HOMER2: variants seen among roughly 807,000 people sequenced by gnomAD.
HOMER2 encodes the protein homer scaffold protein 2, also known as homer protein homolog 2.
In HOMER2, 27 loss-of-function variants were observed where a neutral mutation model predicts 47.0. That is an observed-to-expected ratio of 0.57 (90% confidence interval 0.42 to 0.79). HOMER2 has a LOEUF of 0.79. Ranked by LOEUF, HOMER2 falls within the 30% of genes least tolerant of loss-of-function variation. The pLI is 0.00. For missense variants in HOMER2, 443 were observed against 435.0 expected (o/e 1.02, Z -0.16); for synonymous variants, 161 against 163.8 (o/e 0.98, Z 0.13).
At chr15:82,844,607 T>C (rs868375715), downstream of HOMER2, 5 of 152,340 alleles carry the variant, frequency 3.3e-5, no homozygotes, top group Middle Eastern at 0.01. Flanking sequence ...TATAATCAGA[T>C]AGTGTAATAA....
intron 1 of HOMER2, among the ~76,000 whole-genome samples, chr15:82,907,371 A>C (rs1030566108): frequency 4.0e-5 from 6 of 151,494 alleles, no homozygotes; most frequent in African/African-American, 1.2e-4. Context: ...AAAAGAAAAG[A>C]GAAGAGAAGA....
chr15:82,855,091 C>T (rs996783634), intron 5 of HOMER2, among the ~76,000 whole-genome samples: 3 of 152,084 alleles, frequency 2.0e-5, no homozygotes, highest in East Asian at 3.9e-4. Context: ...AATCCTAACA[C>T]TTTGGGAGGC....
At chr15:82,879,362 G>A (rs181453688) in intron 2 of HOMER2, among the ~76,000 whole-genome samples, 4 of 152,314 alleles carry the variant, frequency 2.6e-5, no homozygotes, top group Non-Finnish European at 5.9e-5. Flanking sequence ...AGGGCATGGT[G>A]CTGTGCACCT....
intron 4 of HOMER2, among the ~76,000 whole-genome samples, chr15:82,861,090 G>T (rs757407586): frequency 6.6e-6 from 1 of 152,130 alleles, no homozygotes; most frequent in Non-Finnish European, 1.5e-5. Context: ...TGCTGATGAG[G>T]GTGTGGTAAG....
At chr15:82,851,021 G>T in intron 8 of HOMER2, 130 bp downstream of exon 8, 1 of 699,440 alleles carries the variant, frequency 1.4e-6, no homozygotes, top group Non-Finnish European at 2.5e-6. Flanking sequence ...GTCACTGCCA[G>T]CTTTTTGTGA....
intron 3 of HOMER2, among the ~76,000 whole-genome samples, chr15:82,871,138 G>A (rs1408771290): frequency 6.6e-6 from 1 of 152,214 alleles, no homozygotes; most frequent in African/African-American, 2.4e-5. Context: ...TTACTTCTGA[G>A]AAAACACAGC....
chr15:82,934,074 C>T (rs530458822), intron 1 of HOMER2, among the ~76,000 whole-genome samples: 15 of 152,310 alleles, frequency 9.8e-5, no homozygotes, highest in African/African-American at 3.6e-4. Context: ...ACTCTCTTCA[C>T]TTTCATGCCT....
At chr15:82,946,039 T>C (rs1007323788) in intron 1 of HOMER2, among the ~76,000 whole-genome samples, 2 of 151,584 alleles carry the variant, frequency 1.3e-5, no homozygotes, top group Admixed American at 6.6e-5. Context: ...GCCATCACAC[T>C]GAGCTAGAAA....
rs1235218731 is a variant in HOMER2, at chr15:82,913,742, C to T, written c.6-20901G>A. 6.6e-6 allele frequency among the ~76,000 whole-genome samples: 1 copy of T among 152,218 alleles called. No individual in the cohort carries two copies. Among genetic ancestry groups the T allele is most frequent in the Admixed American group, 6.5e-5 (1 of 15,288 alleles). ...GAATCCCCCACTGCCAGTCCCTCAT[C>T]CTGGCTCCCTGGGAATTCTCAGGTG... On this transcript the variant is annotated intron_variant, in intron 1 of 8. Coordinates refer to ENST00000450735, the MANE Select transcript of HOMER2 (RefSeq NM_004839.4). The surrounding 1 kb of genome is among the most constrained non-coding windows in gnomAD (Gnocchi z 4.1).
At chr15:82,924,982 C>T (rs1314839827) in intron 1 of HOMER2, among the ~76,000 whole-genome samples, 1 of 152,196 alleles carries the variant, frequency 6.6e-6, no homozygotes, top group Non-Finnish European at 1.5e-5. Flanking sequence ...CCCAGACCAC[C>T]TCAGCCCTTT....
chr15:82,854,508 G>A, intron 6 of HOMER2, 136 bp downstream of exon 6: 1 of 813,664 alleles, frequency 1.2e-6, no homozygotes, highest in Non-Finnish European at 1.9e-6. Context: ...ACGTTCCCAT[G>A]GGAGAGGCAG....
chr15:82,857,274 C>G (rs2051616807), intron 5 of HOMER2, among the ~76,000 whole-genome samples: 1 of 152,112 alleles, frequency 6.6e-6, no homozygotes, highest in Non-Finnish European at 1.5e-5. Flanking sequence ...GAAGCAGGCC[C>G]TCACCAGACA....
intron 4 of HOMER2, among the ~76,000 whole-genome samples, chr15:82,863,498 T>C (rs1483834204): frequency 1.3e-5 from 2 of 152,188 alleles, no homozygotes; most frequent in Admixed American, 1.3e-4. Context: ...CCTGGCTATC[T>C]TGCTAGTATA....
chr15:82,859,445 A>G (rs2051701706), intron 4 of HOMER2, among the ~76,000 whole-genome samples: 1 of 152,200 alleles, frequency 6.6e-6, no homozygotes, highest in Non-Finnish European at 1.5e-5. Context: ...CACCTGGGCC[A>G]GTGCTCAGAG....
intron 3 of HOMER2, among the ~76,000 whole-genome samples, chr15:82,874,119 G>A (rs1316585142): frequency 6.6e-6 from 1 of 152,178 alleles, no homozygotes; most frequent in Non-Finnish European, 1.5e-5. Context: ...TGGAACAAGG[G>A]CCACATCTCT....
chr15:82,878,961 C>T (rs2052438446), intron 2 of HOMER2, among the ~76,000 whole-genome samples: 1 of 152,144 alleles, frequency 6.6e-6, no homozygotes, highest in South Asian at 2.1e-4. Context: ...AATTATTTTT[C>T]CCTGATTCTT....
chr15:82,945,364 A>C (rs750449611), intron 1 of HOMER2, among the ~76,000 whole-genome samples: 18 of 152,222 alleles, frequency 1.2e-4, no homozygotes, highest in Non-Finnish European at 2.5e-4. Flanking sequence ...TGGCATGTAA[A>C]GATGTCCACT....
Position 82,841,583 on chromosome 15 carries a change from G to GT in HOMER2, c.*5690dup, listed in dbSNP as rs1416867083. 5.1e-4 allele frequency: 78 copies of GT among 152,078 alleles called. 1 individual carries two copies. Among genetic ancestry groups the GT allele is most frequent in the African/African-American group, 1.7e-3 (72 of 41,368 alleles). 9.4% of individuals were successfully genotyped at this position (152,078 alleles called of 1,614,324 possible). ...ACAATATCAGCACAATTATGTAAAT[G>GT]TTTTTTAACATTGTTCTAAAAGTAC... is the stretch of plus-strand genomic sequence containing the variant. On this transcript the variant is annotated 3_prime_UTR_variant, in exon 2 of 2. Transcript: ENST00000558090.
chr15:82,836,256 T>C (rs974509041), downstream of HOMER2: 2 of 152,262 alleles, frequency 1.3e-5, no homozygotes, highest in African/African-American at 4.8e-5. Flanking sequence ...TGGGGACAAG[T>C]GTCTCCTATT....
Sources: gnomAD v4.1 joint callset for allele counts (sites outside exome capture counted in the v4.1 genomes callset) on GRCh38, gnomAD v4.1.1 for gene constraint, Gnocchi (gnomAD v3.1) non-coding constraint, MANE v1.5 for transcripts, NCBI Gene and HGNC (gene_info 2026-07-23, HGNC 2026-07-21) for gene names.